Variants in RBFOX1 observed in about 807,000 individuals in gnomAD.
RBFOX1 encodes the protein RNA binding fox-1 homolog 1.
In RBFOX1, 8 loss-of-function variants were observed where a neutral mutation model predicts 57.7. The observed-to-expected ratio is 0.14, with a 90% CI of 0.08 to 0.25. The LOEUF (loss-of-function observed/expected upper bound fraction) is 0.25, where lower values mean the gene tolerates loss of function less well. RBFOX1 is among the 10% of genes least tolerant of loss of function. The probability of loss-of-function intolerance (pLI) is 1.00; values close to 1 mark genes in which losing one functional copy is unlikely to be tolerated. For synonymous variants in RBFOX1, 326 were observed against 222.4 expected, an observed-to-expected ratio of 1.47 and a Z score of -4.15; for missense variants, 611 against 548.5, an observed-to-expected ratio of 1.11 and a Z score of -1.14.
intron 5 of RBFOX1, among the ~76,000 whole-genome samples, chr16:7,560,135 A>G (rs1302410460): frequency 6.6e-6 from 1 of 152,228 alleles, no homozygotes; most frequent in Non-Finnish European, 1.5e-5. Context: ...TACCTGGAGA[A>G]AGACCAGTGC....
At chr16:7,234,120 C>T (rs571480142) in intron 4 of RBFOX1, among the ~76,000 whole-genome samples, 1 of 152,096 alleles carries the variant, frequency 6.6e-6, no homozygotes, top group East Asian at 1.9e-4. Flanking sequence ...CAGCTCTATT[C>T]ACAAAGGCCT....
At chr16:7,536,533 G>T (rs2081510618) in intron 5 of RBFOX1, among the ~76,000 whole-genome samples, 1 of 152,220 alleles carries the variant, frequency 6.6e-6, no homozygotes, top group African/African-American at 2.4e-5. Context: ...GGCGGAGGTT[G>T]CAGTGAGCCA....
At chr16:6,607,700 T>G (rs2097960882) in intron 2 of RBFOX1, among the ~76,000 whole-genome samples, 1 of 152,112 alleles carries the variant, frequency 6.6e-6, no homozygotes, top group Admixed American at 6.6e-5. Context: ...CATGTGAGTG[T>G]GCAAATAAGA....
At chr16:7,231,044 G>A (rs1202844889) in intron 4 of RBFOX1, among the ~76,000 whole-genome samples, 2 of 152,020 alleles carry the variant, frequency 1.3e-5, no homozygotes, top group East Asian at 1.9e-4. Flanking sequence ...TGAGCATCAG[G>A]GATCTTTCCA....
At chr16:5,692,013 T>G (rs530295921) in intron 3 of RBFOX1, among the ~76,000 whole-genome samples, 1 of 38,370 alleles carries the variant, frequency 2.6e-5, no homozygotes, top group Non-Finnish European at 8.2e-5. Flanking sequence ...ATTTGGTAAC[T>G]CTTTTTTTAT....
intron 3 of RBFOX1, among the ~76,000 whole-genome samples, chr16:6,856,628 T>G (rs938320950): frequency 2.6e-5 from 4 of 152,162 alleles, no homozygotes; most frequent in African/African-American, 7.2e-5. Flanking sequence ...AAGACAGTGA[T>G]AAACCACCTC....
chr16:5,607,399 T>C (rs149007953), intron 3 of RBFOX1, among the ~76,000 whole-genome samples: 4,048 of 152,248 alleles, frequency 0.027, 120 homozygotes, highest in African/African-American at 0.072. Flanking sequence ...CAGGCACAGA[T>C]AGCGCAGGGT....
intron 14 of RBFOX1, 88 bp from the exon 15 acceptor site, chr16:7,708,968 A>G (rs1316772903): frequency 2.4e-6 from 3 of 1,266,872 alleles, no homozygotes; most frequent in Admixed American, 1.7e-5. Context: ...GGGCCCCTGC[A>G]TACTGTCTTG....
At chr16:6,548,759 C>T (rs1333801946) in intron 2 of RBFOX1, among the ~76,000 whole-genome samples, 1 of 152,092 alleles carries the variant, frequency 6.6e-6, no homozygotes, top group African/African-American at 2.4e-5. Context: ...CGTTAGGTTT[C>T]TTCCACACGT....
chr16:7,176,767 G>A (rs749718566), intron 4 of RBFOX1, among the ~76,000 whole-genome samples: 2 of 152,098 alleles, frequency 1.3e-5, no homozygotes, highest in African/African-American at 2.4e-5. Context: ...AGACAGACAC[G>A]ACACATATAA....
chr16:5,361,950 A>G (rs2065563538), intron 1 of RBFOX1, among the ~76,000 whole-genome samples: 1 of 152,268 alleles, frequency 6.6e-6, no homozygotes, highest in South Asian at 2.1e-4. Flanking sequence ...ATGCTCAAAT[A>G]GCATTTCATT....
chr16:7,519,682 C>T, intron 5 of RBFOX1: 1 of 985,316 alleles, frequency 1.0e-6, no homozygotes, highest in Non-Finnish European at 1.2e-6. Context: ...TTGGGAACCC[C>T]AATCCTGTCG....
At chr16:5,898,897 T>TAA (rs80013964) in intron 4 of RBFOX1, among the ~76,000 whole-genome samples, 147 of 138,524 alleles carry the variant, frequency 1.1e-3, no homozygotes, top group Middle Eastern at 3.8e-3. Flanking sequence ...CCATCTCTAT[T>TAA]AAAAAAAAAA....
chr16:6,927,110 C>A (rs1008882688), intron 3 of RBFOX1, among the ~76,000 whole-genome samples: 1 of 152,006 alleles, frequency 6.6e-6, no homozygotes, highest in Non-Finnish European at 1.5e-5. Flanking sequence ...ATTAGCTTCC[C>A]CCAGAGGGTT....
At chr16:7,011,604 C>A (rs895901475) in intron 3 of RBFOX1, among the ~76,000 whole-genome samples, 1 of 152,150 alleles carries the variant, frequency 6.6e-6, no homozygotes, top group African/African-American at 2.4e-5. Context: ...AGCTCCGCAT[C>A]CCGGGTTCAC....
chr16:5,480,549 C>G lies in RBFOX1; in HGVS notation c.258+13295C>G, dbSNP rs144435529. On this transcript the variant is annotated intron_variant, in intron 2 of 2. Coordinates refer to the RBFOX1 transcript ENST00000585867. ...AAATGGTATAGAAAGATGCACAATG[C>G]CCTGTTCGCCCAGTCCACCAGCCCA... 3.0e-3 allele frequency among the ~76,000 whole-genome samples: 452 copies of G among 152,254 alleles called. 2 individuals carry two copies. Among genetic ancestry groups the G allele is most frequent in the African/African-American group, 0.01 (433 of 41,530 alleles).
Position 6,431,896 on chromosome 16 carries a change from GC to G in RBFOX1, c.-64+114840del, listed in dbSNP as rs2094101468. Among the ~76,000 whole-genome samples, 313 of 128,200 alleles carry G rather than the reference GC, an allele frequency of 2.4e-3. 3 individuals carry two copies. Among genetic ancestry groups the G allele is most frequent in the African/African-American group, 9.5e-3 (307 of 32,190 alleles). 84.1% of individuals were successfully genotyped at this position (128,200 alleles called of 152,430 possible). A position where few individuals can be genotyped will look rare whatever the true frequency, so the allele number is the denominator to read the frequency against. On this transcript the variant is annotated intron_variant, in intron 2 of 15. Coordinates refer to ENST00000550418, the MANE Select transcript of RBFOX1 (RefSeq NM_018723.4). Reference sequence around the variant, plus strand: ...TGTCCAGAAATATGCTTGCTTGCTTGCTTTCTTTCTTTCTTTCTTTCTTTCT... The same window carrying G: ...TGTCCAGAAATATGCTTGCTTGCTTGTTTCTTTCTTTCTTTCTTTCTTTCT...
intron 3 of RBFOX1, among the ~76,000 whole-genome samples, chr16:6,788,520 C>T (rs879329889): frequency 3.3e-5 from 5 of 151,644 alleles, no homozygotes; most frequent in Non-Finnish European, 5.9e-5. Flanking sequence ...CTGTCGCCCA[C>T]GCTGGAGTGC....
chr16:7,683,255 G>T (rs531289803), intron 14 of RBFOX1, among the ~76,000 whole-genome samples: 1 of 150,674 alleles, frequency 6.6e-6, no homozygotes, highest in Admixed American at 6.7e-5. Flanking sequence ...TCAGTACTGA[G>T]AAGTAATATG....
Sources: allele counts gnomAD v4.1 joint callset (sites outside exome capture counted in the v4.1 genomes callset), GRCh38; gene constraint gnomAD v4.1.1; transcripts MANE v1.5; gene names NCBI Gene and HGNC (gene_info 2026-07-23, HGNC 2026-07-21).